Variants in MAML3 observed in about 807,000 individuals in gnomAD.
MAML3 encodes the protein mastermind-like protein 3.
A neutral mutation model predicts 101.9 loss-of-function variants in MAML3; 27 were observed. The ratio of observed to expected loss-of-function variants is 0.27; its 90% confidence interval spans 0.20 to 0.37. The LOEUF is 0.37. Among genes scored for constraint, MAML3 ranks in the 10% least tolerant of loss-of-function variants. The pLI is 1.00. For synonymous variants in MAML3, 501 were observed against 555.9 expected (o/e 0.90, Z 1.39); for missense variants, 1,316 against 1,444.9 (o/e 0.91, Z 1.45).
intron 1 of MAML3, among the ~76,000 whole-genome samples, chr4:139,900,808 A>G (rs1484303511): frequency 1.3e-5 from 2 of 152,224 alleles, no homozygotes; most frequent in African/African-American, 4.8e-5. Flanking sequence ...AAATGTTTCA[A>G]TATATTATTG....
intron 2 of MAML3, among the ~76,000 whole-genome samples, chr4:139,887,740 T>A (rs1211179887): frequency 6.6e-6 from 1 of 152,250 alleles, no homozygotes; most frequent in Non-Finnish European, 1.5e-5. Flanking sequence ...GAACAGCGAA[T>A]GTAGAAGCAC....
At chr4:140,135,157 C>G (rs1478030505) in intron 1 of MAML3, among the ~76,000 whole-genome samples, 1 of 152,206 alleles carries the variant, frequency 6.6e-6, no homozygotes, top group African/African-American at 2.4e-5. Flanking sequence ...TATGCACATA[C>G]ACATGCTGGC....
intron 1 of MAML3, among the ~76,000 whole-genome samples, chr4:139,955,796 C>T (rs138827658): frequency 2.8e-4 from 43 of 152,232 alleles, no homozygotes; most frequent in African/African-American, 9.1e-4. Flanking sequence ...GCCAATAGCC[C>T]ATGAGAAAGA....
At chr4:139,814,509 C>T (rs999672399) in intron 2 of MAML3, among the ~76,000 whole-genome samples, 1 of 152,184 alleles carries the variant, frequency 6.6e-6, no homozygotes, top group African/African-American at 2.4e-5. Context: ...TTTCCTGTCA[C>T]GGGGGACGAT....
intron 2 of MAML3, among the ~76,000 whole-genome samples, chr4:139,859,230 T>A (rs1265004351): frequency 6.7e-6 from 1 of 150,308 alleles, no homozygotes; most frequent in African/African-American, 2.4e-5. Flanking sequence ...CTACTACATT[T>A]TTTTTTTTTT....
chr4:139,731,434 CT>C (rs1728707979), intron 2 of MAML3: 1 of 22,414 alleles, frequency 4.5e-5, no homozygotes, highest in African/African-American at 2.6e-4. Context: ...CCTGTCTCTA[CT>C]AAAAAAAAAA....
At chr4:139,911,075 A>T (rs1380736765) in intron 1 of MAML3, among the ~76,000 whole-genome samples, 1 of 152,126 alleles carries the variant, frequency 6.6e-6, no homozygotes, top group Non-Finnish European at 1.5e-5. Context: ...TCTGGCAACC[A>T]CCACTCTACT....
intron 1 of MAML3, among the ~76,000 whole-genome samples, chr4:139,961,389 C>T (rs907777296): frequency 6.6e-6 from 1 of 152,198 alleles, no homozygotes; most frequent in Non-Finnish European, 1.5e-5. Flanking sequence ...TTTCAAAAAG[C>T]TCAAGGGTAT....
At chr4:139,731,971 C>T (rs1393624957) in intron 2 of MAML3, among the ~76,000 whole-genome samples, 1 of 152,166 alleles carries the variant, frequency 6.6e-6, no homozygotes, top group Non-Finnish European at 1.5e-5. Flanking sequence ...TCTGAACATT[C>T]TGCAGAAATT....
At chr4:139,825,795 A>G (rs1021227079) in intron 2 of MAML3, among the ~76,000 whole-genome samples, 1 of 151,982 alleles carries the variant, frequency 6.6e-6, no homozygotes, top group East Asian at 1.9e-4. Flanking sequence ...ACGTTCTTTT[A>G]TACCTGCAAA....
chr4:139,769,916 CTT>C (rs139445743), intron 2 of MAML3, among the ~76,000 whole-genome samples: 116,836 of 132,310 alleles, frequency 0.88, 51,708 homozygotes, highest in Middle Eastern at 0.93. Context: ...CGCCCAGCCT[CTT>C]TTTTTTTTTT....
At chr4:139,772,223 G>C (rs1490941931) in intron 2 of MAML3, among the ~76,000 whole-genome samples, 2 of 90,938 alleles carry the variant, frequency 2.2e-5, no homozygotes, top group South Asian at 4.9e-4. Context: ...CTGGGTGACA[G>C]AGCGAGACTC....
chr4:139,763,279 G>C (rs1019154147), intron 2 of MAML3, among the ~76,000 whole-genome samples: 6 of 152,172 alleles, frequency 3.9e-5, no homozygotes, highest in African/African-American at 1.4e-4. Context: ...ATACATTCCT[G>C]ATAGGGAATC....
intron 1 of MAML3, among the ~76,000 whole-genome samples, chr4:139,940,590 C>G (rs933859927): frequency 6.6e-6 from 1 of 152,234 alleles, no homozygotes; most frequent in African/African-American, 2.4e-5. Flanking sequence ...CCAAAGAAAG[C>G]TGAGAAAGGA....
At chr4:139,908,780 A>G (rs1732864766) in intron 1 of MAML3, among the ~76,000 whole-genome samples, 1 of 152,266 alleles carries the variant, frequency 6.6e-6, no homozygotes, top group South Asian at 2.1e-4. Flanking sequence ...AGCAGAAATG[A>G]TGACTATAAA....
chr4:139,917,967 A>G (rs1733056945), intron 1 of MAML3, among the ~76,000 whole-genome samples: 2 of 152,196 alleles, frequency 1.3e-5, no homozygotes, highest in African/African-American at 4.8e-5. Context: ...AAAGGGAATA[A>G]TCAGACTTTC....
chr4:140,026,388 G>A (rs1726825069), intron 1 of MAML3, among the ~76,000 whole-genome samples: 1 of 152,096 alleles, frequency 6.6e-6, no homozygotes, highest in South Asian at 2.1e-4. Context: ...CCAAGTAGCT[G>A]GGATTACAGG....
chr4:139,991,846 A>G (rs1329330608), intron 1 of MAML3, among the ~76,000 whole-genome samples: 7 of 152,102 alleles, frequency 4.6e-5, no homozygotes, highest in Non-Finnish European at 8.8e-5. Context: ...ATCCTGTCTC[A>G]GAAAAACAAC....
At chr4:140,020,382 T>C (rs1163606077) in intron 1 of MAML3, among the ~76,000 whole-genome samples, 1 of 151,664 alleles carries the variant, frequency 6.6e-6, no homozygotes, top group Non-Finnish European at 1.5e-5. Flanking sequence ...TATGAAATAA[T>C]TGCACCATGA....
Sources: allele counts gnomAD v4.1 joint callset (sites outside exome capture counted in the v4.1 genomes callset), GRCh38; gene constraint gnomAD v4.1.1; transcripts MANE v1.5; gene names NCBI Gene and HGNC (gene_info 2026-07-23, HGNC 2026-07-21).